Variants in PTPN13 observed in about 807,000 individuals in gnomAD.
The protein encoded by PTPN13 is protein tyrosine phosphatase non-receptor type 13.
In PTPN13, 191 loss-of-function variants were observed where a neutral mutation model predicts 284.0. That is an observed-to-expected ratio of 0.67 (90% CI 0.60 to 0.76). The LOEUF is 0.76. Among genes scored for constraint, PTPN13 ranks in the 30% least tolerant of loss-of-function variants. PTPN13 has a pLI of 0.00. For missense variants in PTPN13, 2,797 were observed against 2,939.9 expected (o/e 0.95, Z 1.12); for synonymous variants, 986 against 1,022.3 (o/e 0.96, Z 0.68).
chr4:86,742,790 A>G (rs1381448179), intron 16 of PTPN13, among the ~76,000 whole-genome samples: 1 of 152,186 alleles, frequency 6.6e-6, no homozygotes, highest in Admixed American at 6.5e-5. Context: ...TCTGAAGGAA[A>G]CCTTAGATTG....
At chr4:86,761,317 C>A (rs1308863733) in intron 23 of PTPN13, among the ~76,000 whole-genome samples, 1 of 151,662 alleles carries the variant, frequency 6.6e-6, no homozygotes, top group Non-Finnish European at 1.5e-5. Context: ...ATAGACATAT[C>A]AAAACTTACT....
chr4:86,719,672 T>A (rs1266368115), intron 9 of PTPN13, among the ~76,000 whole-genome samples: 1 of 152,196 alleles, frequency 6.6e-6, no homozygotes, highest in Non-Finnish European at 1.5e-5. Context: ...CCATTCTGAC[T>A]GTTGTGAGAT....
chr4:86,627,509 T>G (rs28704570), intron 1 of PTPN13, among the ~76,000 whole-genome samples: 2 of 89,984 alleles, frequency 2.2e-5, no homozygotes, highest in African/African-American at 6.9e-5. Context: ...TAGTTTTTGG[T>G]TTTTTTTTTT....
chr4:86,814,535 C>G lies in PTPN13; in HGVS notation c.7442C>G (p.Pro2481Arg), dbSNP rs1745592107. ...GCAGAAGAAGAGCAAAAACAGCAGCCTCAGCTTCTGAAGTGACATGAAAAG... is the reference window on the plus strand; with the variant it reads ...GCAGAAGAAGAGCAAAAACAGCAGCGTCAGCTTCTGAAGTGACATGAAAAG... ...LQAEEEQKQQ[P>R]QLLK Residue 2481 changes from proline (P) to arginine (R), a missense_variant, in exon 48 of 48, where the codon CCT becomes CGT. Physicochemically the swap from Pro to Arg is moderately radical, Grantham distance 103. Coordinates refer to ENST00000411767, the MANE Select transcript of PTPN13 (RefSeq NM_080683.3). 6.2e-7 allele frequency: 1 copy of G among 1,611,470 alleles called. No individual in the cohort carries two copies. The highest frequency in any genetic ancestry group is 1.7e-5 in the Admixed American group (1 of 59,930).
chr4:86,803,678 A>T (rs1471250653), intron 42 of PTPN13, 31 bp from the exon 43 acceptor site: 2 of 1,608,706 alleles, frequency 1.2e-6, no homozygotes, highest in Non-Finnish European at 8.5e-7. Context: ...GTTCTGGAGG[A>T]ACTGTTTTTA....
At chr4:86,656,729 A>G (rs1002842992) in intron 2 of PTPN13, among the ~76,000 whole-genome samples, 1 of 152,194 alleles carries the variant, frequency 6.6e-6, no homozygotes, top group African/African-American at 2.4e-5. Flanking sequence ...CCATGCTGGG[A>G]GAACCACTGC....
chr4:86,700,090 A>G (rs980988800), intron 6 of PTPN13, among the ~76,000 whole-genome samples: 4 of 152,152 alleles, frequency 2.6e-5, no homozygotes, highest in African/African-American at 7.2e-5. Context: ...TCCTTAAGCA[A>G]TTATTTGCTG....
chr4:86,694,047 T>C (rs1730326912), intron 6 of PTPN13, among the ~76,000 whole-genome samples: 1 of 151,862 alleles, frequency 6.6e-6, no homozygotes, highest in African/African-American at 2.4e-5. Flanking sequence ...AAACAAAAGT[T>C]TCAGAAAACG....
rs1222358732 is a variant in PTPN13 at position 86,744,997 on chromosome 4, A to G, written c.2519A>G (p.Asp840Gly). The G allele has an allele frequency of 1.9e-6, 3 of 1,590,916 alleles. No homozygotes were observed. Among genetic ancestry groups the G allele is most frequent in the Admixed American group, 3.5e-5 (2 of 56,580 alleles). Residue 840 changes from aspartate (D) to glycine (G), a missense_variant, in exon 17 of 48, where the codon GAT becomes GGT. Asp to Gly is a moderately conservative substitution (Grantham distance 94, BLOSUM62 -1). Coordinates refer to ENST00000411767, the MANE Select transcript of PTPN13 (RefSeq NM_080683.3). ...KKKITLQNTS[D>G]GIKHGFQTDN... ...AAAATCACATTGCAAAATACATCAG[A>G]TGGAATAAAACATGGCTTCCAGACA...
intron 45 of PTPN13, among the ~76,000 whole-genome samples, chr4:86,809,074 C>T (rs1049129563): frequency 3.9e-5 from 6 of 152,030 alleles, no homozygotes; most frequent in African/African-American, 1.5e-4. Flanking sequence ...CACAGAGAAT[C>T]ATTTGGCTTG....
intron 19 of PTPN13, among the ~76,000 whole-genome samples, chr4:86,752,274 T>C (rs548986484): frequency 6.6e-6 from 1 of 152,316 alleles, no homozygotes; most frequent in South Asian, 2.1e-4. Flanking sequence ...CTTTTTTTAT[T>C]CTATAATTGG....
At chr4:86,648,472 A>G (rs188151634) in intron 2 of PTPN13, among the ~76,000 whole-genome samples, 1 of 152,150 alleles carries the variant, frequency 6.6e-6, no homozygotes, top group Non-Finnish European at 1.5e-5. Flanking sequence ...GAGTGAGAAC[A>G]TGTGAAATTT....
rs1231789636 is a variant in PTPN13, at chr4:86,774,494, G to A, written c.5471G>A (p.Ser1824Asn). 1 of 1,604,488 alleles carries A rather than the reference G, an allele frequency of 6.2e-7. No individual in the cohort carries two copies. The highest frequency in any genetic ancestry group is 8.5e-7 in the Non-Finnish European group (1 of 1,175,246). The change falls in exon 33 of 48, where the codon AGT becomes AAT. Residue 1824 changes from serine to asparagine, a missense_variant. Physicochemically the swap from Ser to Asn is conservative, Grantham distance 46 (BLOSUM62 1). Transcript: ENST00000411767. ...GATGTCATACAGGATCCAGCCAAAAGTGATGGAAGGCTAAAACCTGGGGAC... is the reference window on the plus strand; with the variant it reads ...GATGTCATACAGGATCCAGCCAAAAATGATGGAAGGCTAAAACCTGGGGAC... ...VHDVIQDPAK[S>N]DGRLKPGDRL...
chr4:86,765,817 T>G (rs1258038733), intron 26 of PTPN13, among the ~76,000 whole-genome samples: 2 of 151,890 alleles, frequency 1.3e-5, no homozygotes, highest in Non-Finnish European at 2.9e-5. Context: ...CATCTACACT[T>G]GTTTTTTTTG....
At chr4:86,756,104 T>G (rs1035191) in intron 20 of PTPN13, among the ~76,000 whole-genome samples, 34,402 of 151,616 alleles carry the variant, frequency 0.23, 4,597 homozygotes, top group East Asian at 0.3. Context: ...AACGGTGGGT[T>G]ATTAAATCTG....
intron 1 of PTPN13, among the ~76,000 whole-genome samples, chr4:86,612,306 A>G (rs1719989229): frequency 6.6e-6 from 1 of 152,234 alleles, no homozygotes. Flanking sequence ...CTCAAAACTG[A>G]CACAGAGGTT....
At chr4:86,763,411 A>G (rs1205695009) in intron 24 of PTPN13, among the ~76,000 whole-genome samples, 2 of 152,230 alleles carry the variant, frequency 1.3e-5, no homozygotes, top group African/African-American at 4.8e-5. Flanking sequence ...CTTGCTATCT[A>G]ATAACCCAAA....
At chr4:86,632,415 G>C (rs1722567848) in intron 1 of PTPN13, among the ~76,000 whole-genome samples, 2 of 152,126 alleles carry the variant, frequency 1.3e-5, no homozygotes, top group Non-Finnish European at 2.9e-5. Context: ...TTGTGAAATT[G>C]CTTTACTGTT....
intron 24 of PTPN13, 82 bp downstream of exon 24, chr4:86,763,272 A>C (rs1265288725): frequency 1.8e-6 from 2 of 1,122,420 alleles, no homozygotes; most frequent in African/African-American, 3.1e-5. Flanking sequence ...ACAATAATCT[A>C]CAAGATGCTT....
Sources: gnomAD v4.1 joint callset for allele counts (sites outside exome capture counted in the v4.1 genomes callset) on GRCh38, gnomAD v4.1.1 for gene constraint, MANE v1.5 for transcripts, NCBI Gene and HGNC (gene_info 2026-07-23, HGNC 2026-07-21) for gene names.